Variants in INSR observed in about 807,000 individuals in gnomAD.
INSR encodes the protein insulin receptor.
Under a neutral mutation model 142.6 loss-of-function variants are expected in INSR, and 67 were observed. The ratio of observed to expected loss-of-function variants is 0.47; its 90% confidence interval spans 0.39 to 0.58. The LOEUF is 0.58. Among genes scored for constraint, INSR ranks in the 20% least tolerant of loss-of-function variants. The pLI is 0.00. For missense variants in INSR, 1,248 were observed against 1,833.2 expected, an observed-to-expected ratio of 0.68 and a Z score of 5.83; for synonymous variants, 756 against 743.1, an observed-to-expected ratio of 1.02 and a Z score of -0.28.
intron 2 of INSR, among the ~76,000 whole-genome samples, chr19:7,234,191 C>G (rs7507985): frequency 1 from 151,792 of 152,148 alleles, 75,731 homozygotes; most frequent in African/African-American, 1. Context: ...TTACAGGCAT[C>G]AGTCACTGCA....
At chr19:7,213,792 A>G (rs7255781) in intron 2 of INSR, among the ~76,000 whole-genome samples, 1,715 of 152,336 alleles carry the variant, frequency 0.011, 44 homozygotes, top group African/African-American at 0.039. Context: ...GTTCGAGACC[A>G]GCCTGACCAA....
Position 7,125,465 on chromosome 19 carries a change from G to A in INSR, c.3076C>T (p.Leu1026Phe), listed in dbSNP as rs1972623296. ...WEVSREKITL[L>F]RELGQGSFGM... ...AAGGAGCCCTGCCCCAGCTCTCGAA[G>A]GAGGGTGATCTTCTCTCGAGACACC... The change falls in exon 17 of 22, where the codon CTT becomes TTT. Residue 1026 changes from leucine to phenylalanine, a missense_variant. By Grantham distance (22) the Leu-to-Phe change is conservative (BLOSUM62 0). Around this residue, in one of 3 missense-constraint regions of INSR, gnomAD observed 1,069 missense variants for 1,654.0 expected, o/e 0.65. Coordinates refer to ENST00000302850, the MANE Select transcript of INSR (RefSeq NM_000208.4). This position sits in a 1 kb window ranked among gnomAD's most constrained non-coding sequence, Gnocchi z 4.9. The A allele has an allele frequency of 2.5e-6, 4 of 1,614,006 alleles. No homozygotes were observed. Among genetic ancestry groups the A allele is most frequent in the Admixed American group, 1.7e-5 (1 of 59,998 alleles).
intron 10 of INSR, among the ~76,000 whole-genome samples, chr19:7,151,168 CTTTCTT>C (rs1973340094): frequency 3.1e-4 from 2 of 6,388 alleles, no homozygotes; most frequent in African/African-American, 4.4e-4. Context: ...CTTTCTCTTT[CTTTCTT>C]TCTTTCTTTC....
At chr19:7,156,782 C>CTTTTTTTTTTTTTTTTTTTTTTTTT (rs746400499) in intron 9 of INSR, among the ~76,000 whole-genome samples, 1 of 63,184 alleles carries the variant, frequency 1.6e-5, no homozygotes, top group Non-Finnish European at 2.9e-5. Flanking sequence ...CTATTTCTCT[C>CTTTTTTTTTTTTTTTTTTTTTTTTT]TTTTTTTTTT....
chr19:7,213,196 T>C (rs1435592597), intron 2 of INSR, among the ~76,000 whole-genome samples: 1 of 151,714 alleles, frequency 6.6e-6, no homozygotes, highest in Admixed American at 6.6e-5. Context: ...ATACAAAAAT[T>C]AGCTGGGCGT....
At chr19:7,231,765 T>A (rs1025884715) in intron 2 of INSR, among the ~76,000 whole-genome samples, 17 of 136,202 alleles carry the variant, frequency 1.2e-4, no homozygotes, top group African/African-American at 4.5e-4. Flanking sequence ...TACCTTAAAC[T>A]TTTCTGTCTC....
chr19:7,148,332 G>A (rs1243536563), intron 11 of INSR, among the ~76,000 whole-genome samples: 3 of 151,970 alleles, frequency 2.0e-5, no homozygotes, highest in African/African-American at 7.3e-5. Flanking sequence ...AGATATTTTT[G>A]GTTATTACTA....
intron 2 of INSR, among the ~76,000 whole-genome samples, chr19:7,186,981 G>A (rs180773178): frequency 1.7e-4 from 26 of 152,048 alleles, no homozygotes; most frequent in Non-Finnish European, 3.7e-4. Flanking sequence ...GGGATTACAG[G>A]TGTGAGCCAC....
rs71177186 is a variant in INSR, at chr19:7,242,734, C to CAAAAAA, written c.652+24605_652+24610dup. Among the ~76,000 whole-genome samples, 85 of 92,078 alleles carry CAAAAAA rather than the reference C, an allele frequency of 9.2e-4. 4 individuals carry two copies. The highest frequency in any genetic ancestry group is 6.9e-3 in the Middle Eastern group (1 of 144). 60.4% of individuals were successfully genotyped at this position (92,078 alleles called of 152,430 possible). On this transcript the variant is annotated intron_variant, in intron 2 of 21. Transcript: ENST00000302850. Reference sequence around the variant, plus strand: ...CCTGGGTGACACAGCGAGACTGCCTCAAAAAAAAAAAAAAAAAAAACAGCT... The same window carrying CAAAAAA: ...CCTGGGTGACACAGCGAGACTGCCTCAAAAAAAAAAAAAAAAAAAAAAAAAACAGCT...
chr19:7,270,780 G>A (rs1967901913), intron 1 of INSR, among the ~76,000 whole-genome samples: 1 of 150,772 alleles, frequency 6.6e-6, no homozygotes, highest in African/African-American at 2.4e-5. Flanking sequence ...ACAACGGCTG[G>A]GCGTGGTGGC....
At chr19:7,172,554 CTCA>C in intron 4 of INSR, 120 bp from the exon 5 acceptor site, 2 of 1,059,564 alleles carry the variant, frequency 1.9e-6, no homozygotes, top group African/African-American at 1.6e-5. Context: ...CAGCTCAAAA[CTCA>C]TCATGCTTAG....
At chr19:7,271,390 C>T (rs987591221) in intron 1 of INSR, among the ~76,000 whole-genome samples, 1 of 151,972 alleles carries the variant, frequency 6.6e-6, no homozygotes, top group African/African-American at 2.4e-5. Flanking sequence ...GTTCCAGACA[C>T]TTGGGAGTCT....
intron 2 of INSR, among the ~76,000 whole-genome samples, chr19:7,244,335 C>T (rs143190952): frequency 4.7e-4 from 72 of 152,226 alleles, no homozygotes; most frequent in African/African-American, 1.7e-3. Context: ...GAATTCGAGA[C>T]CAGCCTGGCC....
At chr19:7,286,065 G>A (rs924667789) in intron 1 of INSR, among the ~76,000 whole-genome samples, 6 of 151,856 alleles carry the variant, frequency 4.0e-5, no homozygotes, top group South Asian at 4.1e-4. Flanking sequence ...CTGGCGCCTC[G>A]ACTTCCCAGG....
intron 3 of INSR, among the ~76,000 whole-genome samples, chr19:7,182,268 G>A (rs1421124330): frequency 6.6e-6 from 1 of 152,100 alleles, no homozygotes; most frequent in Non-Finnish European, 1.5e-5. Flanking sequence ...CCGGGAGGCT[G>A]AGTTGCAGTG....
chr19:7,265,803 T>C (rs1967708542), intron 2 of INSR, among the ~76,000 whole-genome samples: 1 of 151,888 alleles, frequency 6.6e-6, no homozygotes, highest in South Asian at 2.1e-4. Context: ...GAAGAAGACT[T>C]TCTAAGTGTA....
rs192737154 is a variant in INSR, at chr19:7,153,754, A to T, written c.2030-827T>A. On this transcript the variant is annotated intron_variant, in intron 9 of 21. Transcript: ENST00000302850. ...AATATAGCCGAGCACAGTGGCTCACACCCTTAATCCTGGCACTTTCGGAGG... is the reference window on the plus strand; with the variant it reads ...AATATAGCCGAGCACAGTGGCTCACTCCCTTAATCCTGGCACTTTCGGAGG... Among the ~76,000 whole-genome samples the T allele has an allele frequency of 4.7e-3, 710 of 151,924 alleles. 3 individuals are homozygous for T. The highest frequency in any genetic ancestry group is 8.0e-3 in the Non-Finnish European group (541 of 67,942).
chr19:7,240,891 C>G (rs1022518706), intron 2 of INSR, among the ~76,000 whole-genome samples: 2 of 152,146 alleles, frequency 1.3e-5, no homozygotes, highest in African/African-American at 4.8e-5. Context: ...TTCTCAGCCC[C>G]ACAGTATCTC....
At chr19:7,118,605 AC>A (rs1483444521) in intron 21 of INSR, among the ~76,000 whole-genome samples, 3 of 152,030 alleles carry the variant, frequency 2.0e-5, no homozygotes, top group African/African-American at 7.2e-5. Context: ...GGCGTGAGCC[AC>A]CCATGCCCAG....
Sources: allele counts gnomAD v4.1 joint callset (sites outside exome capture counted in the v4.1 genomes callset), GRCh38; gene constraint gnomAD v4.1.1; regional missense constraint gnomAD v4.1.1; non-coding constraint Gnocchi (gnomAD v3.1); transcripts MANE v1.5; gene names NCBI Gene and HGNC (gene_info 2026-07-23, HGNC 2026-07-21).